Variants in RAPGEF2 observed in about 807,000 individuals in gnomAD.
The protein encoded by RAPGEF2 is Rap guanine nucleotide exchange factor 2, also known as PDZ domain containing guanine nucleotide exchange factor (GEF) 1.
In RAPGEF2, 54 loss-of-function variants were observed where a neutral mutation model predicts 186.7. That is an observed-to-expected ratio of 0.29 (90% CI 0.23 to 0.36). The LOEUF (loss-of-function observed/expected upper bound fraction) is 0.36, where lower values mean the gene tolerates loss of function less well. Among genes scored for constraint, RAPGEF2 ranks in the 10% least tolerant of loss-of-function variants. The pLI is 1.00. For synonymous variants in RAPGEF2, 712 were observed against 705.9 expected, an observed-to-expected ratio of 1.01 and a Z score of -0.14; for missense variants, 1,532 against 2,045.0, an observed-to-expected ratio of 0.75 and a Z score of 4.84.
At chr4:159,247,543 A>C (rs1456650825) in intron 7 of RAPGEF2, among the ~76,000 whole-genome samples, 2 of 152,178 alleles carry the variant, frequency 1.3e-5, no homozygotes, top group African/African-American at 4.8e-5. Flanking sequence ...AGACTGAAGC[A>C]GAGGTGTGAC....
At chr4:159,144,352 C>A (rs1283159163) in intron 1 of RAPGEF2, among the ~76,000 whole-genome samples, 2 of 152,130 alleles carry the variant, frequency 1.3e-5, no homozygotes, top group Non-Finnish European at 1.5e-5. Flanking sequence ...TTGATCTAGT[C>A]CCTTAGTAAC....
At chr4:159,111,591 G>A (rs191834061) in intron 1 of RAPGEF2, among the ~76,000 whole-genome samples, 23 of 152,296 alleles carry the variant, frequency 1.5e-4, no homozygotes, top group Admixed American at 3.9e-4. Flanking sequence ...AGGTCATTCT[G>A]GGGAGGTCTG....
chr4:159,273,690 CTTTCTTT>C lies in RAPGEF2; in HGVS notation c.543+29900_543+29906del, dbSNP rs1758474944. Among the ~76,000 whole-genome samples the C allele has an allele frequency of 4.5e-5, 6 of 131,886 alleles. No homozygotes were observed. The East Asian group carries it at 8.8e-4, about 19-fold the overall frequency. The allele number at this position is 131,886 out of a possible 152,430, so 86.5% of individuals were successfully genotyped here. The stretch of plus-strand genomic sequence containing the variant: ...TCTTTCTTTCTTTCTTTCTTTCTTT[CTTTCTTT>C]CTTTCTCAATTTAAATATTATATAA... On this transcript the variant is annotated intron_variant, in intron 7 of 29. Coordinates refer to ENST00000691494, the MANE Select transcript of RAPGEF2 (RefSeq NM_001394067.2).
chr4:159,110,543 ACTCC>A (rs2111060019), intron 1 of RAPGEF2, among the ~76,000 whole-genome samples: 2 of 152,258 alleles, frequency 1.3e-5, no homozygotes, highest in South Asian at 4.1e-4. Context: ...GTGCCATTGC[ACTCC>A]AGCCTGGGTA....
chr4:159,313,486 A>G (rs1561262137), intron 8 of RAPGEF2, among the ~76,000 whole-genome samples: 1 of 152,208 alleles, frequency 6.6e-6, no homozygotes, highest in African/African-American at 2.4e-5. Flanking sequence ...TACCTGACAC[A>G]TTGTAAGTAT....
intron 4 of RAPGEF2, among the ~76,000 whole-genome samples, chr4:159,225,199 T>C (rs986040889): frequency 1.3e-5 from 2 of 152,098 alleles, no homozygotes; most frequent in Admixed American, 1.3e-4. Context: ...CTTATAGCCA[T>C]GTCAGAAAGT....
intron 7 of RAPGEF2, among the ~76,000 whole-genome samples, chr4:159,271,321 A>C (rs1327739044): frequency 6.6e-6 from 1 of 152,196 alleles, no homozygotes; most frequent in East Asian, 1.9e-4. Flanking sequence ...ATTTTTGTAG[A>C]AATTGATTTA....
intron 19 of RAPGEF2, among the ~76,000 whole-genome samples, 157 bp downstream of exon 19, chr4:159,339,511 TAC>T (rs925730760): frequency 6.6e-6 from 1 of 152,120 alleles, no homozygotes; most frequent in African/African-American, 2.4e-5. Context: ...CACCAAGAAT[TAC>T]TGTATGAAAG....
In RAPGEF2 at chr4:159,355,878, G is replaced by GCCCCCCCCCCCCCCCCCCCCCCCCCAC; in HGVS notation, c.4682_4683insCCCCCCCCCCCCCCCCCCCCACCCCCC (p.Pro1562_Thr1563insProProProProProHisProProPro). On this transcript the variant is annotated inframe_insertion, in exon 29 of 30. Transcript: ENST00000691494. ...CACGAAAGGAGGGCAGGTATCGAGA[G>GCCCCCCCCCCCCCCCCCCCCCCCCCAC]CCCCCGCCCACCCCTCCCGGCTACA... 1.3e-6 allele frequency: 2 copies of GCCCCCCCCCCCCCCCCCCCCCCCCCAC among 1,515,856 alleles called. No homozygotes were observed. The highest frequency in any genetic ancestry group is 1.2e-5 in the South Asian group (1 of 83,188). 93.9% of individuals were successfully genotyped at this position (1,515,856 alleles called of 1,614,324 possible). A position where few individuals can be genotyped will look rare whatever the true frequency, so the allele number is the denominator to read the frequency against.
In RAPGEF2 at chr4:159,338,432, T is replaced by A. The variant is rs369259866; in HGVS notation, c.2257T>A (p.Ser753Thr). ...LSSSNPDLLQ[S>T]HHRILDFSAT... ...ATCCAGTAATCCTGATTTATTGCAG[T>A]CACATCATCGCATTTTAGACTTCAG... Residue 753 changes from serine (S) to threonine (T), a missense_variant, in exon 18 of 30, where the codon TCA becomes ACA. Ser to Thr is a moderately conservative substitution (Grantham distance 58). Coordinates refer to ENST00000691494, the MANE Select transcript of RAPGEF2 (RefSeq NM_001394067.2). 2.9e-5 allele frequency: 46 copies of A among 1,614,002 alleles called. No homozygotes were observed. The highest frequency in any genetic ancestry group is 3.8e-5 in the Non-Finnish European group (45 of 1,179,960).
At chr4:159,246,757 T>G (rs28680990) in intron 7 of RAPGEF2, among the ~76,000 whole-genome samples, 1 of 152,000 alleles carries the variant, frequency 6.6e-6, no homozygotes, top group East Asian at 1.9e-4. Flanking sequence ...ATGTCTTTGC[T>G]TTATCATTTA....
Position 159,359,224 on chromosome 4 carries a change from C to G in RAPGEF2, c.*1085C>G, listed in dbSNP as rs1732462871. 6.6e-6 allele frequency: 1 copy of G among 152,022 alleles called. No individual in the cohort carries two copies. The highest frequency in any genetic ancestry group is 2.4e-5 in the African/African-American group (1 of 41,362). The allele number at this position is 152,022 out of a possible 1,614,324, so 9.4% of individuals were successfully genotyped here. A position where few individuals can be genotyped will look rare whatever the true frequency, so the allele number is the denominator to read the frequency against. On this transcript the variant is annotated 3_prime_UTR_variant, in exon 30 of 30. Coordinates refer to ENST00000691494, the MANE Select transcript of RAPGEF2 (RefSeq NM_001394067.2). Reference sequence around the variant, plus strand: ...GTGAAAGCAGCTTGGGATGTTGGAGCTAATGCCAGCTGTTTATACTGCTCT... The same window carrying G: ...GTGAAAGCAGCTTGGGATGTTGGAGGTAATGCCAGCTGTTTATACTGCTCT...
rs1447707864 is a variant in RAPGEF2 at position 159,321,808 on chromosome 4, A to G, written c.854-539A>G. 3.9e-5 allele frequency among the ~76,000 whole-genome samples: 6 copies of G among 152,224 alleles called. No homozygotes were observed. The East Asian group carries it at 7.7e-4, about 20-fold the overall frequency. ...TTTTTGCCAACTTGTGGGCTAAAAA[A>G]TGGTGTTATCAGTTTTCATTTTCAT... On this transcript the variant is annotated intron_variant, in intron 9 of 29. Transcript: ENST00000691494.
At chr4:159,186,249 A>G (rs1747544426) in intron 1 of RAPGEF2, among the ~76,000 whole-genome samples, 1 of 152,066 alleles carries the variant, frequency 6.6e-6, no homozygotes, top group African/African-American at 2.4e-5. Context: ...TAGCCAGGAA[A>G]TAACAAGCAT....
intron 7 of RAPGEF2, among the ~76,000 whole-genome samples, chr4:159,261,350 C>CCA (rs1258518470): frequency 6.6e-6 from 1 of 152,074 alleles, no homozygotes; most frequent in Non-Finnish European, 1.5e-5. Flanking sequence ...GCGTGAGCCA[C>CCA]CGCATCCAGC....
intron 3 of RAPGEF2, among the ~76,000 whole-genome samples, chr4:159,199,929 A>C (rs955585830): frequency 2.0e-5 from 3 of 152,178 alleles, no homozygotes; most frequent in African/African-American, 7.2e-5. Flanking sequence ...TTCATAACCC[A>C]TTAGTAGTTT....
At chr4:159,108,735 T>C (rs1473174096) in intron 1 of RAPGEF2, among the ~76,000 whole-genome samples, 10 of 152,030 alleles carry the variant, frequency 6.6e-5, no homozygotes, top group Non-Finnish European at 1.2e-4. Flanking sequence ...AGACAATGTT[T>C]GGTAAGAGAG....
chr4:159,244,796 G>A (rs752858495), intron 7 of RAPGEF2, among the ~76,000 whole-genome samples: 1 of 151,934 alleles, frequency 6.6e-6, no homozygotes, highest in Admixed American at 6.6e-5. Context: ...CTATACAAGA[G>A]AGTACGTATT....
intron 1 of RAPGEF2, among the ~76,000 whole-genome samples, chr4:159,174,489 T>G (rs1746245271): frequency 6.6e-6 from 1 of 152,242 alleles, no homozygotes; most frequent in Non-Finnish European, 1.5e-5. Context: ...AAGAGTGTTT[T>G]GTTGTAATTT....
Sources: gnomAD v4.1 joint callset for allele counts (sites outside exome capture counted in the v4.1 genomes callset) on GRCh38, gnomAD v4.1.1 for gene constraint, MANE v1.5 for transcripts, NCBI Gene and HGNC (gene_info 2026-07-23, HGNC 2026-07-21) for gene names.